ERBB4: variants seen among roughly 807,000 people sequenced by gnomAD.
ERBB4 encodes the protein erb-b2 receptor tyrosine kinase 4.
Under a neutral mutation model 158.0 loss-of-function variants are expected in ERBB4, and 42 were observed. The ratio of observed to expected loss-of-function variants is 0.27; its 90% CI spans 0.21 to 0.34. The LOEUF (loss-of-function observed/expected upper bound fraction) is 0.34. Ranked by LOEUF, ERBB4 falls within the 10% of genes least tolerant of loss-of-function variation. ERBB4 has a pLI of 1.00. For synonymous variants in ERBB4, 583 were observed against 558.7 expected, an observed-to-expected ratio of 1.04 and a Z score of -0.61; for missense variants, 1,333 against 1,624.1, an observed-to-expected ratio of 0.82 and a Z score of 3.08.
At chr2:211,499,277 C>G (rs576715682) in intron 20 of ERBB4, among the ~76,000 whole-genome samples, 2 of 152,084 alleles carry the variant, frequency 1.3e-5, no homozygotes, top group Non-Finnish European at 2.9e-5. Context: ...GTAATCCCAG[C>G]ACTTTGGGAG....
rs138378272 is a variant in ERBB4 at position 211,439,451 on chromosome 2, G to C, written c.2488-8351C>G. Reference sequence around the variant, plus strand: ...AGGAAGTGTTTTCACTGGATTCATAGAGCACCCATTTTCAAGATTACATTC... The same window carrying C: ...AGGAAGTGTTTTCACTGGATTCATACAGCACCCATTTTCAAGATTACATTC... On this transcript the variant is annotated intron_variant, in intron 20 of 27. Transcript: ENST00000342788. Among the ~76,000 whole-genome samples, 15 of 152,270 alleles carry C rather than the reference G, an allele frequency of 9.9e-5. No homozygotes were observed. In the East Asian group the frequency reaches 2.9e-3, roughly 29 times the overall value.
intron 12 of ERBB4, among the ~76,000 whole-genome samples, chr2:211,692,644 C>T (rs2072866679): frequency 6.6e-6 from 1 of 152,074 alleles, no homozygotes; most frequent in Non-Finnish European, 1.5e-5. Context: ...TTCCATGGTC[C>T]CATCACCTTT....
rs868205149 is a variant in ERBB4, at chr2:211,623,966, T to G, written c.2158A>C (p.Arg720=). ...GCACCTGAGCCAAGGACTTTTACCC[T>G]CTTCAGCTCAGTTTCTTTCAAAATA... ...LRILKETELK[R]VKVLGSGAFG... The change falls in exon 18 of 28, where the codon AGG becomes CGG. Residue 720 remains arginine (R), a synonymous_variant. Transcript: ENST00000342788. 6.2e-7 allele frequency: 1 copy of G among 1,614,158 alleles called. No individual in the cohort carries two copies. Among genetic ancestry groups the G allele is most frequent in the Non-Finnish European group, 8.5e-7 (1 of 1,179,994 alleles).
intron 3 of ERBB4, among the ~76,000 whole-genome samples, chr2:211,889,741 G>A (rs1357216562): frequency 6.6e-6 from 1 of 150,912 alleles, no homozygotes; most frequent in Non-Finnish European, 1.5e-5. Flanking sequence ...ACCAAGGCTC[G>A]AGAACTACGT....
chr2:212,351,911 C>T (rs1168939486), intron 1 of ERBB4, among the ~76,000 whole-genome samples: 1 of 152,096 alleles, frequency 6.6e-6, no homozygotes, highest in Non-Finnish European at 1.5e-5. Flanking sequence ...GGTAATAAAT[C>T]AACCTAAATG....
At chr2:211,844,013 C>T (rs1302451232) in intron 3 of ERBB4, among the ~76,000 whole-genome samples, 2 of 151,906 alleles carry the variant, frequency 1.3e-5, no homozygotes, top group Non-Finnish European at 2.9e-5. Context: ...ATTATTAATG[C>T]TGATGTTTTG....
intron 1 of ERBB4, among the ~76,000 whole-genome samples, chr2:212,433,185 G>A (rs1404185866): frequency 6.6e-6 from 1 of 151,992 alleles, no homozygotes; most frequent in African/African-American, 2.4e-5. Context: ...TGTAGATAGA[G>A]TAGCCTTCAT....
chr2:212,328,402 T>C (rs190474740), intron 1 of ERBB4, among the ~76,000 whole-genome samples: 5 of 152,162 alleles, frequency 3.3e-5, no homozygotes, highest in Admixed American at 3.3e-4. Context: ...TCTGCTATAA[T>C]CCATTACTCA....
At chr2:212,094,648 C>G (rs1029133288) in intron 2 of ERBB4, among the ~76,000 whole-genome samples, 6 of 152,104 alleles carry the variant, frequency 3.9e-5, no homozygotes, top group African/African-American at 7.2e-5. Flanking sequence ...GCAGGCTCCC[C>G]GGTTACCTTC....
At chr2:211,804,871 G>A (rs1363632905) in intron 3 of ERBB4, among the ~76,000 whole-genome samples, 1 of 151,694 alleles carries the variant, frequency 6.6e-6, no homozygotes, top group African/African-American at 2.4e-5. Context: ...ATCCCTAACA[G>A]TGAGTGTTCT....
chr2:211,389,066 C>T lies in ERBB4; in HGVS notation c.3136-1074G>A, dbSNP rs147817168. 9.9e-3 allele frequency among the ~76,000 whole-genome samples: 1,508 copies of T among 152,244 alleles called. 23 individuals carry two copies. The highest frequency in any genetic ancestry group is 0.033 in the African/African-American group (1,356 of 41,550). On this transcript the variant is annotated intron_variant, in intron 25 of 27. Transcript: ENST00000342788. ...TGTTTGTTTGTTTGAGATGAAGTCTCGCTCTGTCACCCAGGCTGGAGTGCA... is the reference window on the plus strand; with the variant it reads ...TGTTTGTTTGTTTGAGATGAAGTCTTGCTCTGTCACCCAGGCTGGAGTGCA...
intron 2 of ERBB4, among the ~76,000 whole-genome samples, chr2:212,101,350 CATAT>C (rs56091369): frequency 2.8e-5 from 4 of 143,098 alleles, no homozygotes; most frequent in African/African-American, 1.0e-4. Flanking sequence ...ACACCCTATA[CATAT>C]ATATATATAT....
At chr2:211,636,286 T>C (rs1202067851) in intron 16 of ERBB4, among the ~76,000 whole-genome samples, 1 of 152,004 alleles carries the variant, frequency 6.6e-6, no homozygotes, top group Admixed American at 6.6e-5. Context: ...GACTTTTCCT[T>C]ATTGTGGCAG....
intron 1 of ERBB4, among the ~76,000 whole-genome samples, chr2:212,371,966 C>T (rs1389086013): frequency 6.6e-6 from 1 of 151,966 alleles, no homozygotes; most frequent in East Asian, 1.9e-4. Flanking sequence ...GTAAAGATGG[C>T]AATAGTATAT....
intron 20 of ERBB4, among the ~76,000 whole-genome samples, chr2:211,551,255 T>G (rs1053807530): frequency 6.6e-6 from 1 of 152,114 alleles, no homozygotes; most frequent in African/African-American, 2.4e-5. Flanking sequence ...ACACAAAAGG[T>G]CTGATGACAA....
At chr2:211,585,116 G>C (rs570928514) in intron 19 of ERBB4, among the ~76,000 whole-genome samples, 1 of 152,200 alleles carries the variant, frequency 6.6e-6, no homozygotes, top group Admixed American at 6.5e-5. Context: ...ACTTTAGGAG[G>C]CCGAGGCGGG....
At chr2:211,401,140 G>C (rs968985379) in intron 25 of ERBB4, among the ~76,000 whole-genome samples, 2 of 151,840 alleles carry the variant, frequency 1.3e-5, no homozygotes, top group African/African-American at 4.8e-5. Context: ...TCAAAGAAAG[G>C]CTCCTTAGAA....
At chr2:211,912,822 C>T (rs1439251) in intron 3 of ERBB4, among the ~76,000 whole-genome samples, 1 of 152,138 alleles carries the variant, frequency 6.6e-6, no homozygotes, top group South Asian at 2.1e-4. Flanking sequence ...AACTGATAGC[C>T]TGACACTTTT....
intron 1 of ERBB4, among the ~76,000 whole-genome samples, chr2:212,307,388 A>C (rs181069941): frequency 3.0e-4 from 46 of 151,152 alleles, no homozygotes; most frequent in African/African-American, 1.1e-3. Flanking sequence ...AAAAAGAGGA[A>C]ATTTTAACTA....
Sources: allele counts gnomAD v4.1 joint callset (sites outside exome capture counted in the v4.1 genomes callset), GRCh38; gene constraint gnomAD v4.1.1; transcripts MANE v1.5; gene names NCBI Gene and HGNC (gene_info 2026-07-23, HGNC 2026-07-21).